Variants in CPS1 observed in about 807,000 individuals in gnomAD.
The protein encoded by CPS1 is carbamoyl-phosphate synthase 1, also known as carbamoyl-phosphate synthase [ammonia], mitochondrial.
Under a neutral mutation model 174.6 loss-of-function variants are expected in CPS1, and 109 were observed. The observed-to-expected ratio is 0.62, with a 90% confidence interval of 0.53 to 0.73. CPS1 has a LOEUF of 0.73. Among genes scored for constraint, CPS1 ranks in the 30% least tolerant of loss-of-function variants. CPS1 has a pLI of 0.00. For synonymous variants in CPS1, 637 were observed against 632.0 expected (o/e 1.01, Z -0.12); for missense variants, 1,689 against 1,821.9 (o/e 0.93, Z 1.33).
chr2:210,674,484 C>CAAAAAAAAA (rs771522432), intron 34 of CPS1: 2 of 74,804 alleles, frequency 2.7e-5, no homozygotes, highest in African/African-American at 1.2e-4. Context: ...AAAAAAAAAC[C>CAAAAAAAAA]AAAAAAAAAA....
chr2:210,660,780 T>A, intron 32 of CPS1, 125 bp downstream of exon 32: 4 of 951,950 alleles, frequency 4.2e-6, no homozygotes, highest in Non-Finnish European at 6.5e-6. Flanking sequence ...GGGATTTACA[T>A]TTCCTTTCAA....
intron 29 of CPS1, among the ~76,000 whole-genome samples, chr2:210,655,798 T>C (rs1700686096): frequency 6.6e-6 from 1 of 152,308 alleles, no homozygotes; most frequent in Admixed American, 6.5e-5. Context: ...ATCTCTTATG[T>C]AATTTATTTA....
At chr2:210,646,811 A>G (rs145302526) in intron 25 of CPS1, among the ~76,000 whole-genome samples, 62 of 152,236 alleles carry the variant, frequency 4.1e-4, no homozygotes, top group African/African-American at 1.3e-3. Flanking sequence ...GGTGGGTGGT[A>G]CACAGAAGGA....
At chr2:210,630,894 TAA>T (rs891746324) in intron 21 of CPS1, among the ~76,000 whole-genome samples, 2 of 152,082 alleles carry the variant, frequency 1.3e-5, no homozygotes, top group African/African-American at 4.8e-5. Context: ...AGTGAAGCAG[TAA>T]AAAACTCAAG....
rs571936934 is a variant in CPS1, at chr2:210,608,528, G to A, written c.2360G>A (p.Arg787Gln). The A allele has an allele frequency of 1.2e-5, 19 of 1,612,026 alleles. No individual in the cohort carries two copies. Among genetic ancestry groups the A allele is most frequent in the East Asian group, 4.5e-5 (2 of 44,778 alleles). Reference sequence around the variant, plus strand: ...GACCGTTTTCATGGAACATCTAGCCGAATTGGTAGCTCTATGAAAAGTGTA... The same window carrying A: ...GACCGTTTTCATGGAACATCTAGCCAAATTGGTAGCTCTATGAAAAGTGTA... Reference protein sequence around the residue: ...DLDRFHGTSSRIGSSMKSVGE... With the variant: ...DLDRFHGTSSQIGSSMKSVGE... Residue 787 changes from arginine to glutamine, a missense_variant, in exon 19 of 38, where the codon CGA becomes CAA. Coordinates refer to ENST00000233072, the MANE Select transcript of CPS1 (RefSeq NM_001875.5).
chr2:210,480,086 A>C (rs1267751180), intron 1 of CPS1, among the ~76,000 whole-genome samples: 3 of 152,188 alleles, frequency 2.0e-5, no homozygotes, highest in Non-Finnish European at 4.4e-5. Context: ...TTCTTAGTTC[A>C]GATTAGATTT....
intron 1 of CPS1, among the ~76,000 whole-genome samples, chr2:210,523,868 T>C (rs1695898407): frequency 6.6e-6 from 1 of 151,984 alleles, no homozygotes; most frequent in Non-Finnish European, 1.5e-5. Flanking sequence ...CTTTGCTCTT[T>C]ACTAGAGGCA....
chr2:210,520,959 A>G (rs1695808166), intron 1 of CPS1, among the ~76,000 whole-genome samples: 3 of 151,952 alleles, frequency 2.0e-5, no homozygotes, highest in Non-Finnish European at 4.4e-5. Context: ...CTCTTGGGGG[A>G]AAAAGGGGAT....
chr2:210,648,443 T>C (rs1228608731), intron 26 of CPS1, 30 bp from the exon 27 acceptor site: 3 of 1,561,752 alleles, frequency 1.9e-6, no homozygotes, highest in East Asian at 2.2e-5. Context: ...AAACTACTCA[T>C]ACATTTTTAT....
chr2:210,514,660 GC>G (rs1695626009), intron 1 of CPS1, among the ~76,000 whole-genome samples: 1 of 151,820 alleles, frequency 6.6e-6, no homozygotes, highest in Non-Finnish European at 1.5e-5. Flanking sequence ...CTATTTGGAT[GC>G]CTTTTATTTC....
At position 210,515,075 on chromosome 2, in the gene CPS1, A is replaced by G. The variant is rs371508854; in HGVS notation, c.3+37309A>G. On this transcript the variant is annotated intron_variant, in intron 1 of 38. Coordinates refer to the CPS1 transcript ENST00000430249. ...ATCATCATGGTGAATTAACTTTTCAATATGCTGTTGAATTTGATTTGCTAG... is the reference window on the plus strand; with the variant it reads ...ATCATCATGGTGAATTAACTTTTCAGTATGCTGTTGAATTTGATTTGCTAG... Among the ~76,000 whole-genome samples, 8 of 151,822 alleles carry G rather than the reference A, an allele frequency of 5.3e-5. No homozygotes were observed. In the South Asian group the frequency reaches 1.0e-3, roughly 20 times the overall value.
At chr2:210,553,686 A>C (rs1030615449), upstream of CPS1, among the ~76,000 whole-genome samples, 1 of 151,990 alleles carries the variant, frequency 6.6e-6, no homozygotes, top group Non-Finnish European at 1.5e-5. Flanking sequence ...AGAAGAAAAA[A>C]ATGCTTATTT....
intron 1 of CPS1, among the ~76,000 whole-genome samples, chr2:210,506,712 G>A (rs537556717): frequency 1.3e-4 from 20 of 152,182 alleles, no homozygotes; most frequent in East Asian, 1.9e-4. Context: ...ACCAAGGCAC[G>A]AGAACTACGT....
At chr2:210,596,878 TATTAG>T (rs1434817147) in intron 13 of CPS1, among the ~76,000 whole-genome samples, 1 of 151,700 alleles carries the variant, frequency 6.6e-6, no homozygotes, top group Non-Finnish European at 1.5e-5. Context: ...GAACAGGAAT[TATTAG>T]ATTAGATTGT....
chr2:210,507,444 C>T (rs10200303), intron 1 of CPS1, among the ~76,000 whole-genome samples: 92,882 of 151,914 alleles, frequency 0.61, 28,779 homozygotes, highest in South Asian at 0.68. Flanking sequence ...TAAAGACCAG[C>T]GAGGCTAGGA....
At chr2:210,567,517 A>G (rs1697340995) in intron 1 of CPS1, among the ~76,000 whole-genome samples, 1 of 152,182 alleles carries the variant, frequency 6.6e-6, no homozygotes, top group Admixed American at 6.5e-5. Flanking sequence ...TTAGATGAAA[A>G]GTAAAGGAAG....
At chr2:210,585,396 A>G (rs975368047) in intron 6 of CPS1, among the ~76,000 whole-genome samples, 1 of 152,038 alleles carries the variant, frequency 6.6e-6, no homozygotes, top group Non-Finnish European at 1.5e-5. Context: ...AAGTCTTATT[A>G]ATAAAAAATA....
At chr2:210,570,684 A>G (rs912763274) in intron 1 of CPS1, among the ~76,000 whole-genome samples, 1 of 151,814 alleles carries the variant, frequency 6.6e-6, no homozygotes, top group Non-Finnish European at 1.5e-5. Flanking sequence ...TATTATCTAA[A>G]TTTTTTTCTT....
Position 210,537,904 on chromosome 2 carries a change from G to A in CPS1, c.4-18815G>A, listed in dbSNP as rs553915951. Among the ~76,000 whole-genome samples the A allele has an allele frequency of 2.0e-5, 3 of 152,278 alleles. No homozygotes were observed. In the South Asian group the frequency reaches 6.2e-4, roughly 32 times the overall value. ...TATTAGATAGAACTACAGGCTATAT[G>A]TAATGTTAAATATATGTATTTGTAT... On this transcript the variant is annotated intron_variant, in intron 1 of 38. Transcript: ENST00000430249.
Sources: allele counts gnomAD v4.1 joint callset (sites outside exome capture counted in the v4.1 genomes callset), GRCh38; gene constraint gnomAD v4.1.1; transcripts MANE v1.5; gene names NCBI Gene and HGNC (gene_info 2026-07-23, HGNC 2026-07-21).